Variants in CNBD1 observed in about 807,000 individuals in gnomAD.
The protein encoded by CNBD1 is cyclic nucleotide binding domain containing 1, also known as cyclic nucleotide-binding domain-containing protein 1.
Under a neutral mutation model 54.4 loss-of-function variants are expected in CNBD1, and 71 were observed. That is an observed-to-expected ratio of 1.30 (90% CI 1.08 to 1.59). CNBD1 has a LOEUF of 1.59. CNBD1 is among the 40% of genes most tolerant of loss of function. CNBD1 has a pLI of 0.00. For synonymous variants in CNBD1, 182 were observed against 170.7 expected (o/e 1.07, Z -0.51); for missense variants, 659 against 518.0 (o/e 1.27, Z -2.64).
intron 4 of CNBD1, among the ~76,000 whole-genome samples, chr8:87,028,315 C>T (rs1478889386): frequency 6.6e-6 from 1 of 152,206 alleles, no homozygotes; most frequent in Non-Finnish European, 1.5e-5. Flanking sequence ...CGGAGAGAGA[C>T]AGAAACTTGC....
intron 4 of CNBD1, among the ~76,000 whole-genome samples, chr8:86,998,616 A>C (rs1039292960): frequency 6.6e-6 from 1 of 152,182 alleles, no homozygotes; most frequent in Non-Finnish European, 1.5e-5. Context: ...GCTACAAATA[A>C]ATTTTAGAAA....
At chr8:87,232,584 A>G (rs1043493801) in intron 5 of CNBD1, among the ~76,000 whole-genome samples, 1 of 152,136 alleles carries the variant, frequency 6.6e-6, no homozygotes, top group Non-Finnish European at 1.5e-5. Context: ...TTGTAAAAGC[A>G]TTTTTAGCAA....
intron 4 of CNBD1, among the ~76,000 whole-genome samples, chr8:87,075,834 G>A (rs1810857427): frequency 6.6e-6 from 1 of 152,082 alleles, no homozygotes; most frequent in Non-Finnish European, 1.5e-5. Context: ...TTTCTGTGAG[G>A]TGAGCAATGG....
At chr8:87,398,542 C>G (rs1160103531) in intron 2 of CNBD1, among the ~76,000 whole-genome samples, 1 of 151,970 alleles carries the variant, frequency 6.6e-6, no homozygotes, top group African/African-American at 2.4e-5. Flanking sequence ...AAATGCTTTT[C>G]AGCATATTTT....
intron 8 of CNBD1, among the ~76,000 whole-genome samples, chr8:87,343,488 G>A (rs112835120): frequency 0.019 from 2,835 of 152,256 alleles, 88 homozygotes; most frequent in African/African-American, 0.062. Flanking sequence ...GCTTCAGCCG[G>A]TCCCTCCATT....
intron 5 of CNBD1, among the ~76,000 whole-genome samples, chr8:87,218,953 T>C (rs1477484741): frequency 6.6e-6 from 1 of 151,982 alleles, no homozygotes; most frequent in East Asian, 1.9e-4. Context: ...TAAATCCTTT[T>C]AGATAACAAA....
chr8:87,159,938 T>C (rs1252061185), intron 4 of CNBD1, among the ~76,000 whole-genome samples: 10 of 151,774 alleles, frequency 6.6e-5, no homozygotes, highest in African/African-American at 1.7e-4. Context: ...TTTTTTTTTT[T>C]CCAGAAACAA....
At chr8:87,050,280 G>A (rs560237849) in intron 4 of CNBD1, among the ~76,000 whole-genome samples, 1 of 152,320 alleles carries the variant, frequency 6.6e-6, no homozygotes, top group South Asian at 2.1e-4. Flanking sequence ...TTTGCCCAAT[G>A]TTCTAGTTCC....
intron 8 of CNBD1, among the ~76,000 whole-genome samples, chr8:87,350,465 T>C (rs1586037131): frequency 6.6e-6 from 1 of 152,036 alleles, no homozygotes; most frequent in African/African-American, 2.4e-5. Context: ...TGTATGTTGA[T>C]GTTTATTTTT....
chr8:87,188,521 C>T (rs369757873), intron 4 of CNBD1, among the ~76,000 whole-genome samples: 21 of 151,906 alleles, frequency 1.4e-4, no homozygotes, highest in Non-Finnish European at 1.6e-4. Context: ...CCTGAGGTCA[C>T]GAGTTCGAGA....
chr8:87,128,638 C>G (rs1178284976), intron 4 of CNBD1, among the ~76,000 whole-genome samples: 3 of 151,954 alleles, frequency 2.0e-5, no homozygotes, highest in Non-Finnish European at 4.4e-5. Flanking sequence ...ATCGTATAGT[C>G]TCTATTCTTT....
At chr8:87,212,728 G>C (rs928253788) in intron 5 of CNBD1, among the ~76,000 whole-genome samples, 11 of 151,826 alleles carry the variant, frequency 7.2e-5, no homozygotes, top group African/African-American at 2.7e-4. Context: ...AGGATATAAA[G>C]GTAATAATTA....
chr8:87,206,260 T>A, intron 5 of CNBD1, 122 bp downstream of exon 5: 1 of 735,850 alleles, frequency 1.4e-6, no homozygotes, highest in Non-Finnish European at 2.0e-6. Flanking sequence ...AAAAATGTAC[T>A]ATTTGGGTGT....
chr8:87,044,885 G>A (rs970170099), intron 4 of CNBD1, among the ~76,000 whole-genome samples: 5 of 152,144 alleles, frequency 3.3e-5, no homozygotes, highest in African/African-American at 1.2e-4. Flanking sequence ...TGCAGCCTGA[G>A]TTTTCTTCAG....
intron 10 of CNBD1, among the ~76,000 whole-genome samples, chr8:87,367,974 C>T (rs1368799810): frequency 1.3e-5 from 2 of 151,918 alleles, no homozygotes; most frequent in Non-Finnish European, 2.9e-5. Flanking sequence ...GTTTGATTAC[C>T]AACATGGTGA....
intron 4 of CNBD1, among the ~76,000 whole-genome samples, chr8:87,121,692 G>T (rs1430572165): frequency 6.6e-6 from 1 of 151,578 alleles, no homozygotes; most frequent in East Asian, 1.9e-4. Context: ...TCAGCTCTTG[G>T]TAACTACCAT....
chr8:87,252,886 G>T (rs1245123923), intron 6 of CNBD1, among the ~76,000 whole-genome samples: 1 of 152,134 alleles, frequency 6.6e-6, no homozygotes, highest in Non-Finnish European at 1.5e-5. Context: ...AGCTTGTGAT[G>T]CACTGTAAAG....
chr8:87,054,323 A>G (rs1433419669), intron 4 of CNBD1, among the ~76,000 whole-genome samples: 1 of 152,182 alleles, frequency 6.6e-6, no homozygotes, highest in Non-Finnish European at 1.5e-5. Context: ...AATCCATCTC[A>G]TAGAGAGACT....
intron 4 of CNBD1, among the ~76,000 whole-genome samples, chr8:87,155,836 T>C (rs551650602): frequency 6.6e-6 from 1 of 152,176 alleles, no homozygotes; most frequent in Non-Finnish European, 1.5e-5. Context: ...GGAACAAGAA[T>C]ACTACCCAGT....
Sources: gnomAD v4.1 joint callset for allele counts (sites outside exome capture counted in the v4.1 genomes callset) on GRCh38, gnomAD v4.1.1 for gene constraint, MANE v1.5 for transcripts, NCBI Gene and HGNC (gene_info 2026-07-23, HGNC 2026-07-21) for gene names.